TRHDE: variants seen among roughly 807,000 people sequenced by gnomAD.
The protein encoded by TRHDE is thyrotropin releasing hormone degrading enzyme, also known as thyrotropin-releasing hormone-degrading ectoenzyme.
In TRHDE, 72 loss-of-function variants were observed where a neutral mutation model predicts 125.7. That is an observed-to-expected ratio of 0.57 (90% CI 0.47 to 0.70). The LOEUF (loss-of-function observed/expected upper bound fraction) is 0.70, where lower values mean the gene tolerates loss of function less well. Among genes scored for constraint, TRHDE ranks in the 30% least tolerant of loss-of-function variants. The probability of loss-of-function intolerance (pLI) is 0.00; values close to 1 mark genes in which losing one functional copy is unlikely to be tolerated. For missense variants in TRHDE, 1,110 were observed against 1,327.1 expected (o/e 0.84, Z 2.54); for synonymous variants, 509 against 509.1 (o/e 1.00, Z 0.00).
At chr12:72,500,350 T>C (rs1030029845) in intron 6 of TRHDE, among the ~76,000 whole-genome samples, 1 of 152,106 alleles carries the variant, frequency 6.6e-6, no homozygotes, top group Non-Finnish European at 1.5e-5. Context: ...AAGTCTGCTG[T>C]GATTTTTAGT....
intron 15 of TRHDE, among the ~76,000 whole-genome samples, chr12:72,644,716 A>C (rs1874209667): frequency 6.6e-6 from 1 of 152,148 alleles, no homozygotes; most frequent in Admixed American, 6.5e-5. Flanking sequence ...GGAAAATCCC[A>C]GCTCTTGGTT....
chr12:72,393,335 C>A (rs1016325805), intron 3 of TRHDE, among the ~76,000 whole-genome samples: 2 of 152,034 alleles, frequency 1.3e-5, no homozygotes, highest in Admixed American at 1.3e-4. Flanking sequence ...TGATAGAATG[C>A]TGGTTTTCAA....
At chr12:72,477,547 A>G (rs1876956226) in intron 5 of TRHDE, among the ~76,000 whole-genome samples, 1 of 152,170 alleles carries the variant, frequency 6.6e-6, no homozygotes, top group Non-Finnish European at 1.5e-5. Flanking sequence ...TATTTTATCA[A>G]AGTTGGCTGT....
chr12:72,460,350 C>A (rs1215829561), intron 3 of TRHDE, among the ~76,000 whole-genome samples: 1 of 152,162 alleles, frequency 6.6e-6, no homozygotes, highest in Non-Finnish European at 1.5e-5. Context: ...AATCCCTGCT[C>A]TATGCTGTAG....
intron 2 of TRHDE, among the ~76,000 whole-genome samples, chr12:72,213,540 A>C (rs1238291512): frequency 6.6e-6 from 1 of 152,170 alleles, no homozygotes; most frequent in Non-Finnish European, 1.5e-5. Context: ...GGTGAAATTA[A>C]CAGAGCTAGA....
At chr12:72,399,091 T>C (rs904861709) in intron 3 of TRHDE, among the ~76,000 whole-genome samples, 4 of 152,114 alleles carry the variant, frequency 2.6e-5, no homozygotes, top group African/African-American at 9.7e-5. Flanking sequence ...ATGCAAGGGA[T>C]CTTTAGGTTG....
intron 2 of TRHDE, among the ~76,000 whole-genome samples, chr12:72,296,108 T>C (rs1880290182): frequency 6.6e-6 from 1 of 152,194 alleles, no homozygotes; most frequent in Admixed American, 6.5e-5. Flanking sequence ...CTTTGTAAGA[T>C]CTGCAGTTCA....
intron 1 of TRHDE, among the ~76,000 whole-genome samples, chr12:72,279,969 T>C (rs1879634630): frequency 6.6e-6 from 1 of 152,202 alleles, no homozygotes. Context: ...ACTGTGGTTG[T>C]TGGTTACTTT....
At chr12:72,488,755 A>G (rs1347635135) in intron 5 of TRHDE, among the ~76,000 whole-genome samples, 1 of 151,978 alleles carries the variant, frequency 6.6e-6, no homozygotes, top group Non-Finnish European at 1.5e-5. Context: ...ATGTAAGGCC[A>G]CAAAACAAGT....
At chr12:72,490,582 A>T (rs1158308135) in intron 5 of TRHDE, among the ~76,000 whole-genome samples, 3 of 149,208 alleles carry the variant, frequency 2.0e-5, no homozygotes, top group African/African-American at 7.6e-5. Flanking sequence ...GTGTTTGTCG[A>T]TGAGGAAATT....
chr12:72,288,049 C>T (rs1350206880), intron 2 of TRHDE, among the ~76,000 whole-genome samples: 1 of 151,266 alleles, frequency 6.6e-6, no homozygotes, highest in Non-Finnish European at 1.5e-5. Context: ...AGCTGTAAAT[C>T]AAATTTGGTT....
intron 6 of TRHDE, among the ~76,000 whole-genome samples, chr12:72,526,449 C>T (rs910593354): frequency 5.9e-5 from 9 of 152,058 alleles, no homozygotes; most frequent in Non-Finnish European, 1.3e-4. Context: ...TTATTAAGCT[C>T]GTAATTGATA....
intron 2 of TRHDE, among the ~76,000 whole-genome samples, chr12:72,334,041 T>C (rs1212658063): frequency 1.3e-5 from 2 of 151,760 alleles, no homozygotes; most frequent in Non-Finnish European, 2.9e-5. Flanking sequence ...CTAATTACTC[T>C]CTCTTCTTTT....
At chr12:72,648,328 C>T (rs2136106592) in intron 15 of TRHDE, among the ~76,000 whole-genome samples, 1 of 152,152 alleles carries the variant, frequency 6.6e-6, no homozygotes, top group Non-Finnish European at 1.5e-5. Flanking sequence ...TTTTCCTCTA[C>T]AACCAAGAAC....
intron 3 of TRHDE, among the ~76,000 whole-genome samples, chr12:72,458,357 G>A (rs890468536): frequency 2.6e-5 from 4 of 152,026 alleles, no homozygotes; most frequent in African/African-American, 9.7e-5. Flanking sequence ...TAAATGATGC[G>A]ATGTCACACT....
intron 3 of TRHDE, among the ~76,000 whole-genome samples, chr12:72,427,324 C>G (rs922491384): frequency 1.4e-4 from 21 of 152,106 alleles, no homozygotes; most frequent in African/African-American, 5.1e-4. Context: ...CCCTAGAACT[C>G]TCTCCACAGC....
intron 2 of TRHDE, among the ~76,000 whole-genome samples, chr12:72,356,738 T>G (rs903449639): frequency 2.0e-5 from 3 of 151,318 alleles, no homozygotes; most frequent in Non-Finnish European, 3.0e-5. Context: ...TGTGATGGAT[T>G]GGATTTGGGA....
intron 5 of TRHDE, among the ~76,000 whole-genome samples, chr12:72,498,602 G>A (rs1878015353): frequency 6.6e-6 from 1 of 152,198 alleles, no homozygotes; most frequent in African/African-American, 2.4e-5. Flanking sequence ...AGGAGGCCAG[G>A]AAGACTACTA....
intron 17 of TRHDE, among the ~76,000 whole-genome samples, chr12:72,654,674 A>G (rs1168006548): frequency 1.3e-5 from 2 of 152,110 alleles, no homozygotes; most frequent in Non-Finnish European, 2.9e-5. Flanking sequence ...CTCAAGCCCA[A>G]CATCTGGAAG....
Sources: gnomAD v4.1 joint callset for allele counts (sites outside exome capture counted in the v4.1 genomes callset) on GRCh38, gnomAD v4.1.1 for gene constraint, MANE v1.5 for transcripts, NCBI Gene and HGNC (gene_info 2026-07-23, HGNC 2026-07-21) for gene names.